The following AUH variants were observed in gnomAD, a reference collection of about 807,000 sequenced individuals.
The protein encoded by AUH is methylglutaconyl-CoA hydratase, mitochondrial.
In AUH, 29 loss-of-function variants were observed where a neutral mutation model predicts 42.3. The observed-to-expected ratio is 0.69, with a 90% CI of 0.51 to 0.93. The LOEUF is 0.93. Ranked by LOEUF, AUH falls within the 40% of genes least tolerant of loss-of-function variation. The probability of loss-of-function intolerance (pLI) is 0.00; values close to 1 mark genes in which losing one functional copy is unlikely to be tolerated. For missense variants in AUH, 452 were observed against 438.1 expected, an observed-to-expected ratio of 1.03 and a Z score of -0.28; for synonymous variants, 174 against 166.4, an observed-to-expected ratio of 1.05 and a Z score of -0.35.
chr9:91,219,165 T>C (rs1209998328), intron 7 of AUH, among the ~76,000 whole-genome samples: 1 of 152,076 alleles, frequency 6.6e-6, no homozygotes, highest in Non-Finnish European at 1.5e-5. Context: ...GGTGGTGGCA[T>C]TTGCTGCATG....
At chr9:91,347,123 A>G (rs1035485896) in intron 3 of AUH, among the ~76,000 whole-genome samples, 2 of 152,102 alleles carry the variant, frequency 1.3e-5, no homozygotes, top group African/African-American at 4.8e-5. Context: ...TGCAGCCTCA[A>G]TATCTCAGGC....
chr9:91,296,687 C>T (rs1002051800), intron 5 of AUH, among the ~76,000 whole-genome samples: 11 of 152,116 alleles, frequency 7.2e-5, no homozygotes, highest in Non-Finnish European at 1.3e-4. Flanking sequence ...AACCTGTATT[C>T]TTTCAGAAAT....
intron 5 of AUH, among the ~76,000 whole-genome samples, chr9:91,297,603 T>C (rs1467823822): frequency 6.6e-6 from 1 of 152,076 alleles, no homozygotes; most frequent in African/African-American, 2.4e-5. Context: ...TTTTAATTTT[T>C]TTTTTTTTAA....
chr9:91,239,866 A>G (rs1003933905), intron 6 of AUH, among the ~76,000 whole-genome samples: 1 of 152,180 alleles, frequency 6.6e-6, no homozygotes, highest in Non-Finnish European at 1.5e-5. Context: ...TTTGTGGATT[A>G]TGGTAGAGAA....
At chr9:91,217,099 CTG>C (rs1826864125) in intron 8 of AUH, among the ~76,000 whole-genome samples, 176 bp downstream of exon 8, 1 of 152,294 alleles carries the variant, frequency 6.6e-6, no homozygotes, top group Non-Finnish European at 1.5e-5. Flanking sequence ...TTAGCAATAA[CTG>C]TAAGAATGAA....
chr9:91,296,801 T>G (rs1384153276), intron 5 of AUH, among the ~76,000 whole-genome samples: 1 of 152,238 alleles, frequency 6.6e-6, no homozygotes, highest in Non-Finnish European at 1.5e-5. Context: ...ACACATGGAC[T>G]AGCAACCAGA....
At chr9:91,352,459 A>C (rs940548619) in intron 3 of AUH, among the ~76,000 whole-genome samples, 11 of 152,092 alleles carry the variant, frequency 7.2e-5, no homozygotes, top group African/African-American at 2.7e-4. Context: ...TAGAGGAAGT[A>C]GGGTTAGAGA....
chr9:91,327,165 G>A (rs1389833854), intron 3 of AUH, among the ~76,000 whole-genome samples: 3 of 152,102 alleles, frequency 2.0e-5, no homozygotes, highest in Admixed American at 1.3e-4. Flanking sequence ...TCCAGGACTT[G>A]AACCTATATA....
intron 6 of AUH, among the ~76,000 whole-genome samples, chr9:91,290,375 G>A (rs188073571): frequency 3.3e-5 from 5 of 152,092 alleles, no homozygotes; most frequent in African/African-American, 7.2e-5. Context: ...TCATTACATC[G>A]CTGTCCTTTA....
At chr9:91,331,969 G>A (rs1364366273) in intron 3 of AUH, among the ~76,000 whole-genome samples, 2 of 152,208 alleles carry the variant, frequency 1.3e-5, no homozygotes, top group African/African-American at 4.8e-5. Context: ...CTTTAAGCCA[G>A]TGATCTTCAA....
At chr9:91,249,292 C>CAAAAAAAAAAAAAAAAAAGAAAAAA in intron 6 of AUH, among the ~76,000 whole-genome samples, 1 of 32,504 alleles carries the variant, frequency 3.1e-5, no homozygotes, top group Non-Finnish European at 6.0e-5. Flanking sequence ...GAACCTGTCT[C>CAAAAAAAAAAAAAAAAAAGAAAAAA]AAAAAAAAAA....
intron 7 of AUH, chr9:91,218,965 A>C: frequency 1.0e-6 from 1 of 985,354 alleles, no homozygotes; most frequent in Non-Finnish European, 1.2e-6. Context: ...GACCTGGAGG[A>C]AAATTAATTT....
At chr9:91,353,090 G>A (rs1460228286) in intron 3 of AUH, among the ~76,000 whole-genome samples, 1 of 151,832 alleles carries the variant, frequency 6.6e-6, no homozygotes, top group African/African-American at 2.4e-5. Context: ...TGTTTTTGAG[G>A]TTTCTTTTTT....
At chr9:91,283,056 A>G (rs1788276879) in intron 6 of AUH, among the ~76,000 whole-genome samples, 1 of 152,238 alleles carries the variant, frequency 6.6e-6, no homozygotes, top group African/African-American at 2.4e-5. Context: ...CGGTGCAAAA[A>G]TCCTCAATAA....
At chr9:91,242,193 C>T (rs1828557524) in intron 6 of AUH, among the ~76,000 whole-genome samples, 1 of 152,184 alleles carries the variant, frequency 6.6e-6, no homozygotes, top group Non-Finnish European at 1.5e-5. Context: ...TGAGAGGTGA[C>T]GTCCCATTGC....
At chr9:91,300,154 AT>A (rs1827670975) in intron 4 of AUH, among the ~76,000 whole-genome samples, 1 of 151,568 alleles carries the variant, frequency 6.6e-6, no homozygotes, top group South Asian at 2.1e-4. Context: ...TGGGTCCCTC[AT>A]TTTTCCTGCC....
At chr9:91,308,706 T>G (rs970641652) in intron 4 of AUH, among the ~76,000 whole-genome samples, 1 of 151,924 alleles carries the variant, frequency 6.6e-6, no homozygotes, top group African/African-American at 2.4e-5. Context: ...AAAGACACAG[T>G]GAACATAAAT....
intron 6 of AUH, among the ~76,000 whole-genome samples, chr9:91,230,331 T>C (rs546103332): frequency 6.6e-6 from 1 of 152,218 alleles, no homozygotes; most frequent in Non-Finnish European, 1.5e-5. Context: ...TACCTTTTCT[T>C]CCAGTTGATC....
At chr9:91,278,290 CAG>C (rs763675774) in intron 6 of AUH, among the ~76,000 whole-genome samples, 42 of 152,184 alleles carry the variant, frequency 2.8e-4, no homozygotes, top group Non-Finnish European at 5.3e-4. Context: ...TCTAGTTTCA[CAG>C]TGTAATCTTA....
Sources: allele counts gnomAD v4.1 joint callset (sites outside exome capture counted in the v4.1 genomes callset), GRCh38; gene constraint gnomAD v4.1.1; transcripts MANE v1.5; gene names NCBI Gene and HGNC (gene_info 2026-07-23, HGNC 2026-07-21).